SLIT2: variants seen among roughly 807,000 people sequenced by gnomAD.
SLIT2 encodes the protein slit guidance ligand 2.
A neutral mutation model predicts 185.7 loss-of-function variants in SLIT2; 41 were observed. The observed-to-expected ratio is 0.22, with a 90% CI of 0.17 to 0.29. The LOEUF (loss-of-function observed/expected upper bound fraction) is 0.29, where lower values mean the gene tolerates loss of function less well. Ranked by LOEUF, SLIT2 falls within the 10% of genes least tolerant of loss-of-function variation. The pLI is 1.00. For synonymous variants in SLIT2, 693 were observed against 680.2 expected, an observed-to-expected ratio of 1.02 and a Z score of -0.29; for missense variants, 1,571 against 1,909.0, an observed-to-expected ratio of 0.82 and a Z score of 3.30.
intron 3 of SLIT2, among the ~76,000 whole-genome samples, chr4:20,260,372 A>G (rs13152485): frequency 0.015 from 2,241 of 151,950 alleles, 32 homozygotes; most frequent in South Asian, 0.1. Context: ...GAACTCAATT[A>G]TGAAAAAAGT....
intron 32 of SLIT2, 140 bp from the exon 33 acceptor site, chr4:20,598,125 A>C: frequency 4.3e-6 from 3 of 690,738 alleles, no homozygotes; most frequent in Non-Finnish European, 6.9e-6. Flanking sequence ...TCAAGGAATA[A>C]TTTCAGCATC....
chr4:20,511,823 C>CA (rs1257130462), intron 11 of SLIT2, among the ~76,000 whole-genome samples: 1 of 151,642 alleles, frequency 6.6e-6, no homozygotes, highest in Non-Finnish European at 1.5e-5. Flanking sequence ...AAATGCTAGG[C>CA]AAAATCTTGC....
At chr4:20,480,626 G>C (rs1000476790) in intron 5 of SLIT2, 90 bp from the exon 6 acceptor site, 1 of 884,424 alleles carries the variant, frequency 1.1e-6, no homozygotes, top group Admixed American at 1.8e-5. Flanking sequence ...AGTGTGTCCA[G>C]GGTATCATAG....
chr4:20,543,813 C>T (rs1209834434), intron 21 of SLIT2, among the ~76,000 whole-genome samples: 1 of 152,120 alleles, frequency 6.6e-6, no homozygotes, highest in Non-Finnish European at 1.5e-5. Flanking sequence ...TGCTTAGGTC[C>T]TCTCTCACTA....
intron 3 of SLIT2, among the ~76,000 whole-genome samples, chr4:20,261,137 T>C (rs1560263069): frequency 6.6e-6 from 1 of 151,876 alleles, no homozygotes; most frequent in South Asian, 2.1e-4. Context: ...TAGGATGCTC[T>C]GTATTGCTAG....
Position 20,439,320 on chromosome 4 carries a change from A to T in SLIT2, c.396-28432A>T, listed in dbSNP as rs561986137. On this transcript the variant is annotated intron_variant, in intron 4 of 36. Transcript: ENST00000504154. ...AAACAAAAGAAATTTATTGTCTCACAGTTCTGGAGTCTGAAGTCCAAGATC... is the reference window on the plus strand; with the variant it reads ...AAACAAAAGAAATTTATTGTCTCACTGTTCTGGAGTCTGAAGTCCAAGATC... 5.2e-4 allele frequency among the ~76,000 whole-genome samples: 79 copies of T among 152,332 alleles called. No homozygotes were observed. The South Asian group carries it at 0.014, about 28-fold the overall frequency.
intron 4 of SLIT2, among the ~76,000 whole-genome samples, chr4:20,313,537 CAT>C (rs1577413296): frequency 1.3e-5 from 2 of 152,176 alleles, no homozygotes; most frequent in East Asian, 3.9e-4. Context: ...ATCCAGACCA[CAT>C]GAGTGGCTTT....
intron 4 of SLIT2, among the ~76,000 whole-genome samples, chr4:20,357,478 G>A (rs907121458): frequency 3.3e-5 from 5 of 152,060 alleles, no homozygotes; most frequent in Non-Finnish European, 7.4e-5. Context: ...GTTAGTTCAA[G>A]TTTCTAATTC....
Position 20,619,232 on chromosome 4 carries a change from T to C in SLIT2, c.*223T>C. 2.2e-6 allele frequency: 1 copy of C among 449,264 alleles called. No individual in the cohort carries two copies. The allele number at this position is 449,264 out of a possible 1,614,324, so 27.8% of individuals were successfully genotyped here. A position where few individuals can be genotyped will look rare whatever the true frequency, so the allele number is the denominator to read the frequency against. On this transcript the variant is annotated 3_prime_UTR_variant, in exon 37 of 37. Transcript: ENST00000504154. ...TGCTGGAGAAGTATGAAGAAAGATA[T>C]ACCTGGAGACATTAGAACAGCGATG...
At chr4:20,452,160 T>G (rs1410960548) in intron 4 of SLIT2, among the ~76,000 whole-genome samples, 2 of 152,188 alleles carry the variant, frequency 1.3e-5, no homozygotes, top group Non-Finnish European at 2.9e-5. Context: ...GATTTGTACT[T>G]TCTTCTCATT....
intron 23 of SLIT2, 79 bp downstream of exon 23, chr4:20,548,638 T>C (rs778744451): frequency 4.8e-6 from 4 of 839,502 alleles, no homozygotes; most frequent in Non-Finnish European, 8.2e-6. Context: ...ACATTGCTAT[T>C]GAACAAGACA....
chr4:20,289,864 A>G (rs960860275), intron 4 of SLIT2, among the ~76,000 whole-genome samples: 3 of 151,982 alleles, frequency 2.0e-5, no homozygotes, highest in African/African-American at 7.3e-5. Context: ...TAAGATATAA[A>G]CCCTCATTCG....
chr4:20,435,936 G>A (rs139879968), intron 4 of SLIT2, among the ~76,000 whole-genome samples: 34 of 152,324 alleles, frequency 2.2e-4, no homozygotes, highest in African/African-American at 6.7e-4. Context: ...GAATTATAGA[G>A]TGAATTAAAG....
At chr4:20,325,072 C>T (rs187102428) in intron 4 of SLIT2, among the ~76,000 whole-genome samples, 1 of 151,906 alleles carries the variant, frequency 6.6e-6, no homozygotes, top group South Asian at 2.1e-4. Flanking sequence ...TTTGCTTTCT[C>T]TTTTCTTCCT....
chr4:20,598,367 G>A lies in SLIT2; in HGVS notation c.3664G>A (p.Gly1222Ser). The A allele has an allele frequency of 1.2e-6, 2 of 1,614,054 alleles. No individual in the cohort carries two copies. Among genetic ancestry groups the A allele is most frequent in the Non-Finnish European group, 8.5e-7 (1 of 1,179,962 alleles). ...RGRVRASYDT[G>S]SHPASAIYSV... is the part of the protein sequence containing the mutation. ...GCGTGTTCGTGCCAGCTATGACACC[G>A]GCTCTCATCCAGCTTCTGCCATTTA... Residue 1222 changes from glycine (G) to serine (S), a missense_variant, in exon 33 of 37, where the codon GGC becomes AGC. Physicochemically the swap from Gly to Ser is moderately conservative, Grantham distance 56. This residue lies in a region of SLIT2 where 146 missense variants were observed against 247.4 expected (regional missense o/e 0.59). Coordinates refer to ENST00000504154, the MANE Select transcript of SLIT2 (RefSeq NM_004787.4).
intron 4 of SLIT2, among the ~76,000 whole-genome samples, chr4:20,301,705 T>TTG (rs1717059631): frequency 6.6e-6 from 1 of 152,178 alleles, no homozygotes; most frequent in Non-Finnish European, 1.5e-5. Flanking sequence ...GGATGTATTT[T>TTG]CATTTGTAAA....
chr4:20,358,908 C>A (rs568957229), intron 4 of SLIT2, among the ~76,000 whole-genome samples: 10 of 152,154 alleles, frequency 6.6e-5, no homozygotes, highest in African/African-American at 2.4e-4. Flanking sequence ...ACAACAACAT[C>A]AACTAGATAC....
intron 4 of SLIT2, among the ~76,000 whole-genome samples, chr4:20,467,077 T>A (rs561979183): frequency 7.6e-4 from 116 of 152,320 alleles, no homozygotes; most frequent in African/African-American, 2.6e-3. Flanking sequence ...CTCAGAGTGC[T>A]TTGTTCAGTG....
At chr4:20,270,708 T>G (rs1713514424) in intron 4 of SLIT2, among the ~76,000 whole-genome samples, 1 of 151,974 alleles carries the variant, frequency 6.6e-6, no homozygotes, top group African/African-American at 2.4e-5. Flanking sequence ...AATATTTTTA[T>G]GTTTCAGGAG....
Sources: allele counts gnomAD v4.1 joint callset (sites outside exome capture counted in the v4.1 genomes callset), GRCh38; gene constraint gnomAD v4.1.1; regional missense constraint gnomAD v4.1.1; transcripts MANE v1.5; gene names NCBI Gene and HGNC (gene_info 2026-07-23, HGNC 2026-07-21).